The following KDM1B variants were observed in gnomAD, a reference collection of about 807,000 sequenced individuals.
The protein encoded by KDM1B is lysine-specific histone demethylase 2.
KDM1B carries 63 observed loss-of-function variants against 107.4 expected under a neutral mutation model. That is an observed-to-expected ratio of 0.59 (90% confidence interval 0.48 to 0.72). The LOEUF (loss-of-function observed/expected upper bound fraction) is 0.72. Ranked by LOEUF, KDM1B falls within the 30% of genes least tolerant of loss-of-function variation. KDM1B has a pLI of 0.00. For missense variants in KDM1B, 749 were observed against 1,020.8 expected, an observed-to-expected ratio of 0.73 and a Z score of 3.63; for synonymous variants, 363 against 363.9, an observed-to-expected ratio of 1.00 and a Z score of 0.03.
chr6:18,180,083 A>G (rs1227928740), intron 7 of KDM1B, among the ~76,000 whole-genome samples: 2 of 149,078 alleles, frequency 1.3e-5, no homozygotes, highest in Non-Finnish European at 3.0e-5. Context: ...TGTCTTGCCC[A>G]GGGTGAGGCC....
chr6:18,200,062 C>G lies in KDM1B; in HGVS notation c.1222-377C>G, dbSNP rs1268436910. On this transcript the variant is annotated intron_variant, in intron 12 of 21. Coordinates refer to ENST00000650836, the MANE Select transcript of KDM1B (RefSeq NM_001364614.2). This position sits in a 1 kb window ranked among gnomAD's most constrained non-coding sequence, Gnocchi z 4.3. ...CCCGACTATGTATTTCTGGTAGAGA[C>G]AGGGTTTCACCATGTTGGCCAAACT... is the stretch of plus-strand genomic sequence containing the variant. 6.6e-6 allele frequency among the ~76,000 whole-genome samples: 1 copy of G among 152,122 alleles called. No homozygotes were observed. Among genetic ancestry groups the G allele is most frequent in the Non-Finnish European group, 1.5e-5 (1 of 68,010 alleles).
At chr6:18,181,664 T>C (rs975606374) in intron 7 of KDM1B, among the ~76,000 whole-genome samples, 8 of 152,162 alleles carry the variant, frequency 5.3e-5, no homozygotes, top group African/African-American at 1.9e-4. Flanking sequence ...GAGGATCTCT[T>C]GAGCCCATGA....
chr6:18,166,312 G>A lies in KDM1B; in HGVS notation c.351G>A (p.Trp117Ter). The change falls in exon 6 of 22, where the codon TGG becomes TGA. Residue 117 changes from tryptophan to a stop codon, truncating the protein, a stop_gained. Coordinates refer to ENST00000650836, the MANE Select transcript of KDM1B (RefSeq NM_001364614.2). LOFTEE classifies it high-confidence loss of function. ...YDKYTTWKKI[W>*]TSNGKTEPSP... Reference sequence around the variant, plus strand: ...AATATACTACATGGAAAAAAATATGGACTAGCAATGGCAAAACCGAACCTA... The same window carrying A: ...AATATACTACATGGAAAAAAATATGAACTAGCAATGGCAAAACCGAACCTA... 6.2e-7 allele frequency: 1 copy of A among 1,612,692 alleles called. No individual in the cohort carries two copies. Among genetic ancestry groups the A allele is most frequent in the Non-Finnish European group, 8.5e-7 (1 of 1,178,784 alleles).
At chr6:18,175,913 A>G (rs1785968149) in intron 7 of KDM1B, among the ~76,000 whole-genome samples, 1 of 151,922 alleles carries the variant, frequency 6.6e-6, no homozygotes, top group Non-Finnish European at 1.5e-5. Context: ...ATGCCTCCAG[A>G]TTTATTCTTT....
rs188721990 is a variant in KDM1B, at chr6:18,179,561, T to C, written c.535-6211T>C. ...ACAAATTCAGTTTCTTTAACAGATA[T>C]ATGGCCATCTAGGTGGTTTATGACT... On this transcript the variant is annotated intron_variant, in intron 7 of 21. Coordinates refer to ENST00000650836, the MANE Select transcript of KDM1B (RefSeq NM_001364614.2). 5.0e-4 allele frequency among the ~76,000 whole-genome samples: 76 copies of C among 152,346 alleles called. 1 individual carries two copies. Among genetic ancestry groups the C allele is most frequent in the Non-Finnish European group, 2.6e-4 (18 of 68,036 alleles).
Position 18,205,529 on chromosome 6 carries a change from C to T in KDM1B, c.1532-8C>T. Reference sequence around the variant, plus strand: ...ATTTTTTTCTGCTTTGATCCATTCCCATTACAGAAAAGATAGAAGAAATCT... The same window carrying T: ...ATTTTTTTCTGCTTTGATCCATTCCTATTACAGAAAAGATAGAAGAAATCT... On this transcript the variant is annotated splice_region_variant and splice_polypyrimidine_tract_variant and intron_variant, in intron 14 of 21. Transcript: ENST00000650836. This position sits in a 1 kb window ranked among gnomAD's most constrained non-coding sequence, Gnocchi z 5.7. 1 of 1,546,698 alleles carries T rather than the reference C, an allele frequency of 6.5e-7. No homozygotes were observed. Among genetic ancestry groups the T allele is most frequent in the Non-Finnish European group, 8.7e-7 (1 of 1,144,848 alleles).
chr6:18,188,155 C>G (rs992439971), intron 9 of KDM1B, among the ~76,000 whole-genome samples, 153 bp downstream of exon 9: 6 of 152,144 alleles, frequency 3.9e-5, no homozygotes, highest in Non-Finnish European at 5.9e-5. Flanking sequence ...GTGGCCGAGG[C>G]AGGAGGGTCC....
intron 5 of KDM1B, among the ~76,000 whole-genome samples, chr6:18,163,243 A>G (rs1429437818): frequency 6.6e-6 from 1 of 151,586 alleles, no homozygotes; most frequent in Non-Finnish European, 1.5e-5. Flanking sequence ...GTTCCTTAAT[A>G]GAGATGGGGT....
chr6:18,208,776 C>G (rs1173247935), intron 17 of KDM1B, among the ~76,000 whole-genome samples: 1 of 146,914 alleles, frequency 6.8e-6, no homozygotes, highest in Non-Finnish European at 1.5e-5. Flanking sequence ...TCCCAAGTAG[C>G]TGGGACTACA....
intron 5 of KDM1B, among the ~76,000 whole-genome samples, chr6:18,163,558 G>T (rs563030511): frequency 2.2e-3 from 340 of 152,076 alleles, no homozygotes; most frequent in Non-Finnish European, 3.4e-3. Context: ...CAATAAATGC[G>T]TTTTTAAATG....
intron 20 of KDM1B, among the ~76,000 whole-genome samples, chr6:18,215,738 T>TC (rs1005953695): frequency 6.6e-6 from 1 of 151,176 alleles, no homozygotes; most frequent in Non-Finnish European, 1.5e-5. Flanking sequence ...CATACACACT[T>TC]CCCTTTTTTT....
chr6:18,184,436 G>A (rs188062073), intron 7 of KDM1B, among the ~76,000 whole-genome samples: 8 of 151,606 alleles, frequency 5.3e-5, no homozygotes, highest in East Asian at 3.9e-4. Flanking sequence ...CACCATGCCC[G>A]GCTAATTTTT....
rs919135018 is a variant in KDM1B at position 18,172,953 on chromosome 6, G to T, written c.534+1474G>T. ...AAAAATATAAAAATTAGCCCAGTGT[G>T]GTGGCATGTGCTTGTAATCTCAGCT... On this transcript the variant is annotated intron_variant, in intron 7 of 21. Coordinates refer to ENST00000650836, the MANE Select transcript of KDM1B (RefSeq NM_001364614.2). The surrounding 1 kb of genome is among the most constrained non-coding windows in gnomAD (Gnocchi z 5.2). 6.6e-6 allele frequency among the ~76,000 whole-genome samples: 1 copy of T among 151,976 alleles called. No individual in the cohort carries two copies. The highest frequency in any genetic ancestry group is 1.5e-5 in the Non-Finnish European group (1 of 68,006).
chr6:18,187,755 G>T (rs764830960), intron 8 of KDM1B, 37 bp from the exon 9 acceptor site: 273 of 1,372,796 alleles, frequency 2.0e-4, no homozygotes, highest in Non-Finnish European at 2.6e-4. Context: ...TTTCTTGTCT[G>T]TCCTTGTCTC....
At chr6:18,215,206 A>G (rs1449055482) in intron 20 of KDM1B, 77 bp downstream of exon 20, 6 of 1,487,534 alleles carry the variant, frequency 4.0e-6, no homozygotes, top group South Asian at 3.8e-5. Context: ...CCAAGCAGCC[A>G]GCGTCACTGA....
At position 18,217,651 on chromosome 6, in the gene KDM1B, G is replaced by A. The variant is rs985891971; in HGVS notation, c.2233-82G>A. The A allele has an allele frequency of 9.4e-6, 11 of 1,173,194 alleles. No homozygotes were observed. In the Middle Eastern group the frequency reaches 1.8e-3, roughly 196 times the overall value. The allele number at this position is 1,173,194 out of a possible 1,614,324, so 72.7% of individuals were successfully genotyped here. ...CTTAGCCTCCCAAAGTGCTGGGATG[G>A]GACTACAGGCATGAGTCACTGCGCC... On this transcript the variant is annotated intron_variant, in intron 20 of 21. Transcript: ENST00000650836.
rs755990571 is a variant in KDM1B at position 18,197,254 on chromosome 6, C to T, written c.1146+21C>T. On this transcript the variant is annotated intron_variant, in intron 11 of 21. Transcript: ENST00000650836. This position sits in a 1 kb window ranked among gnomAD's most constrained non-coding sequence, Gnocchi z 4.5. ...ACAATGTAGGTGATTATAGCTTTAG[C>T]GATAGCCTTGCCATTGATCAGGACA... is the stretch of plus-strand genomic sequence containing the variant. 3.2e-5 allele frequency: 51 copies of T among 1,602,772 alleles called. No homozygotes were observed. Among genetic ancestry groups the T allele is most frequent in the African/African-American group, 1.2e-4 (9 of 74,620 alleles).
At position 18,197,925 on chromosome 6, in the gene KDM1B, CTTT is replaced by C. The variant is rs1039217550; in HGVS notation, c.1221+280_1221+282del. 4.6e-5 allele frequency among the ~76,000 whole-genome samples: 6 copies of C among 129,968 alleles called. No individual in the cohort carries two copies. Among genetic ancestry groups the C allele is most frequent in the Non-Finnish European group, 3.3e-5 (2 of 61,300 alleles). 85.3% of individuals were successfully genotyped at this position (129,968 alleles called of 152,430 possible). ...CTAACTTGGCATTAAAGTAGAAATTCTTTTTTTTTTTTTTTTTTGAGACAGAGT... is the reference window on the plus strand; with the variant it reads ...CTAACTTGGCATTAAAGTAGAAATTCTTTTTTTTTTTTTTTGAGACAGAGT... On this transcript the variant is annotated intron_variant, in intron 12 of 21. Transcript: ENST00000650836. This position sits in a 1 kb window ranked among gnomAD's most constrained non-coding sequence, Gnocchi z 4.5.
In KDM1B at chr6:18,222,009, G is replaced by A. The variant is rs562802102; in HGVS notation, c.*17G>A. The stretch of plus-strand genomic sequence containing the variant: ...GCATTTTAAGAATTCGGTGGACCCA[G>A]CTTTCTTCTGTACCCCAGATGGGGA... On this transcript the variant is annotated 3_prime_UTR_variant, in exon 22 of 22. Coordinates refer to ENST00000650836, the MANE Select transcript of KDM1B (RefSeq NM_001364614.2). The A allele has an allele frequency of 1.9e-6, 3 of 1,611,366 alleles. No homozygotes were observed. The highest frequency in any genetic ancestry group is 2.2e-5 in the South Asian group (2 of 91,028).
Sources: gnomAD v4.1 joint callset for allele counts (sites outside exome capture counted in the v4.1 genomes callset) on GRCh38, gnomAD v4.1.1 for gene constraint, Gnocchi (gnomAD v3.1) non-coding constraint, MANE v1.5 for transcripts, NCBI Gene and HGNC (gene_info 2026-07-23, HGNC 2026-07-21) for gene names.